Variants in ERGIC2 observed in about 807,000 individuals in gnomAD.
The protein encoded by ERGIC2 is ERGIC and golgi 2.
ERGIC2 carries 31 observed loss-of-function variants against 52.5 expected under a neutral mutation model. That is an observed-to-expected ratio of 0.59 (90% CI 0.44 to 0.80). The LOEUF (loss-of-function observed/expected upper bound fraction) is 0.80, where lower values mean the gene tolerates loss of function less well. ERGIC2 is among the 30% of genes least tolerant of loss of function. The pLI, the probability that ERGIC2 is intolerant of heterozygous loss-of-function variation, is 0.00. For missense variants in ERGIC2, 395 were observed against 455.2 expected (o/e 0.87, Z 1.20); for synonymous variants, 129 against 140.6 (o/e 0.92, Z 0.58).
chr12:29,341,665 G>A (rs1949841281), intron 13 of ERGIC2, 69 bp downstream of exon 13: 2 of 825,522 alleles, frequency 2.4e-6, no homozygotes, highest in Non-Finnish European at 4.1e-6. Context: ...GAGCCACCAT[G>A]ACTGGCTCAT....
At chr12:29,359,281 G>A (rs1238969621) in intron 6 of ERGIC2, among the ~76,000 whole-genome samples, 1 of 151,858 alleles carries the variant, frequency 6.6e-6, no homozygotes, top group Non-Finnish European at 1.5e-5. Flanking sequence ...CAGCAGAAAT[G>A]GAAATCTTCA....
intron 1 of ERGIC2, chr12:29,372,525 G>A (rs183744871): frequency 2.6e-5 from 4 of 151,994 alleles, no homozygotes; most frequent in African/African-American, 4.8e-5. Context: ...AATAACCTGC[G>A]GTTTTAACCA....
At chr12:29,368,360 C>T (rs2136875825) in intron 3 of ERGIC2, 73 bp from the exon 4 acceptor site, 1 of 788,868 alleles carries the variant, frequency 1.3e-6, no homozygotes, top group Non-Finnish European at 2.1e-6. Flanking sequence ...AATCAACTGA[C>T]CTATTAAAAA....
Position 29,357,621 on chromosome 12 carries a change from A to G in ERGIC2, c.476+2T>C. 6.8e-7 allele frequency: 1 copy of G among 1,461,274 alleles called. No homozygotes were observed. Among genetic ancestry groups the G allele is most frequent in the Non-Finnish European group, 9.6e-7 (1 of 1,043,758 alleles). The allele number at this position is 1,461,274 out of a possible 1,614,324, so 90.5% of individuals were successfully genotyped here. A position where few individuals can be genotyped will look rare whatever the true frequency, so the allele number is the denominator to read the frequency against. On this transcript the variant is annotated splice_donor_variant, in intron 7 of 13. Coordinates refer to ENST00000360150, the MANE Select transcript of ERGIC2 (RefSeq NM_016570.3). LOFTEE classifies it high-confidence loss of function. ...GTTGCACATTTAAAATACAGATCTC[A>G]CCTTGGTGGAAGAGCTGTTGATGTA...
At chr12:29,353,350 A>C (rs1940158940) in intron 8 of ERGIC2, among the ~76,000 whole-genome samples, 1 of 152,212 alleles carries the variant, frequency 6.6e-6, no homozygotes. Flanking sequence ...TCAGTCTAAC[A>C]GTGTTCCTAC....
intron 6 of ERGIC2, among the ~76,000 whole-genome samples, chr12:29,360,367 T>C (rs1372638305): frequency 2.0e-5 from 3 of 151,298 alleles, no homozygotes; most frequent in Admixed American, 6.6e-5. Context: ...AATCTATCCA[T>C]AAAATAGACC....
At chr12:29,358,365 A>C (rs1940237374) in intron 6 of ERGIC2, among the ~76,000 whole-genome samples, 2 of 152,176 alleles carry the variant, frequency 1.3e-5, no homozygotes, top group Non-Finnish European at 2.9e-5. Context: ...GGTAAGTACA[A>C]ATGTTATACA....
Position 29,356,496 on chromosome 12 carries a change from T to C in ERGIC2, c.477-19A>G. 7.2e-7 allele frequency: 1 copy of C among 1,385,738 alleles called. No individual in the cohort carries two copies. The highest frequency in any genetic ancestry group is 1.0e-6 in the Non-Finnish European group (1 of 974,138). The allele number at this position is 1,385,738 out of a possible 1,614,324, so 85.8% of individuals were successfully genotyped here. A position where few individuals can be genotyped will look rare whatever the true frequency, so the allele number is the denominator to read the frequency against. On this transcript the variant is annotated intron_variant, in intron 7 of 13. Coordinates refer to ENST00000360150, the MANE Select transcript of ERGIC2 (RefSeq NM_016570.3). ...ATCTTCTCTGTTAAAATAAGATATA[T>C]TATTTAAAGCACATTCAATACAGTT...
Position 29,341,008 on chromosome 12 carries a change from T to C in ERGIC2, c.*148A>G, listed in dbSNP as rs1450451885. ...ACGTATATAGAATTTCAGTTTGGGT[T>C]TTTTTATCCTTTTTTTTCTTTTTTA... On this transcript the variant is annotated 3_prime_UTR_variant, in exon 14 of 14. Coordinates refer to ENST00000360150, the MANE Select transcript of ERGIC2 (RefSeq NM_016570.3). The C allele has an allele frequency of 4.4e-6, 3 of 680,540 alleles. No homozygotes were observed. The highest frequency in any genetic ancestry group is 7.6e-6 in the Non-Finnish European group (3 of 393,608). 42.2% of individuals were successfully genotyped at this position (680,540 alleles called of 1,614,324 possible). A position where few individuals can be genotyped will look rare whatever the true frequency, so the allele number is the denominator to read the frequency against.
intron 8 of ERGIC2, among the ~76,000 whole-genome samples, chr12:29,354,159 A>T (rs904357733): frequency 1.3e-5 from 2 of 152,176 alleles, no homozygotes; most frequent in Non-Finnish European, 2.9e-5. Context: ...GTTCTAAGAG[A>T]TACTCATGTA....
At chr12:29,349,423 C>T (rs571873568) in intron 9 of ERGIC2, among the ~76,000 whole-genome samples, 14 of 151,808 alleles carry the variant, frequency 9.2e-5, no homozygotes, top group Admixed American at 2.0e-4. Context: ...TACAATTTAA[C>T]GTCTAGAAAA....
chr12:29,374,858 T>C (rs1940493514), intron 1 of ERGIC2, among the ~76,000 whole-genome samples: 1 of 152,184 alleles, frequency 6.6e-6, no homozygotes, highest in South Asian at 2.1e-4. Context: ...TCTCTCTCTA[T>C]ACTGTAATAA....
At chr12:29,366,506 G>C (rs1376091668) in intron 5 of ERGIC2, among the ~76,000 whole-genome samples, 1 of 151,324 alleles carries the variant, frequency 6.6e-6, no homozygotes. Flanking sequence ...GGTCATAGTA[G>C]AATACAAACA....
Position 29,338,562 on chromosome 12 carries a change from T to G in ERGIC2, c.*2594A>C, listed in dbSNP as rs1949813778. The G allele has an allele frequency of 6.6e-6, 1 of 152,212 alleles. No individual in the cohort carries two copies. Among genetic ancestry groups the G allele is most frequent in the African/African-American group, 2.4e-5 (1 of 41,400 alleles). The allele number at this position is 152,212 out of a possible 1,614,324, so 9.4% of individuals were successfully genotyped here. ...AGCAGATGGAAGCAGGAGGATTGCT[T>G]GAACCCAGGAGTTCGAGGATGCAGT... On this transcript the variant is annotated 3_prime_UTR_variant, in exon 14 of 14. Transcript: ENST00000360150.
At chr12:29,363,640 TCAA>T (rs1004319807) in intron 5 of ERGIC2, among the ~76,000 whole-genome samples, 2 of 151,966 alleles carry the variant, frequency 1.3e-5, no homozygotes, top group African/African-American at 4.8e-5. Flanking sequence ...ATGAAAACAG[TCAA>T]CAATACTGTC....
At chr12:29,370,350 C>G (rs1940424324) in intron 2 of ERGIC2, 128 bp from the exon 3 acceptor site, 2 of 1,035,758 alleles carry the variant, frequency 1.9e-6, no homozygotes, top group African/African-American at 3.4e-5. Flanking sequence ...CATTTGAATG[C>G]ATACTATAGA....
chr12:29,378,108 A>G (rs1452339598), intron 1 of ERGIC2, among the ~76,000 whole-genome samples: 1 of 152,206 alleles, frequency 6.6e-6, no homozygotes, highest in Non-Finnish European at 1.5e-5. Flanking sequence ...TAACTAATTA[A>G]GATGAGATCA....
intron 10 of ERGIC2, among the ~76,000 whole-genome samples, chr12:29,348,098 T>C (rs1940082898): frequency 6.6e-6 from 1 of 152,182 alleles, no homozygotes; most frequent in Non-Finnish European, 1.5e-5. Flanking sequence ...CTAAAGCTTA[T>C]AAATCTCAAA....
chr12:29,355,637 T>C (rs896987443), intron 8 of ERGIC2, among the ~76,000 whole-genome samples: 1 of 152,206 alleles, frequency 6.6e-6, no homozygotes, highest in Non-Finnish European at 1.5e-5. Context: ...TAGACACTGC[T>C]AATTTCTAAC....
Sources: allele counts gnomAD v4.1 joint callset (sites outside exome capture counted in the v4.1 genomes callset), GRCh38; gene constraint gnomAD v4.1.1; transcripts MANE v1.5; gene names NCBI Gene and HGNC (gene_info 2026-07-23, HGNC 2026-07-21).